Variants in ACTR10 observed in about 807,000 individuals in gnomAD.
The protein encoded by ACTR10 is actin related protein 10.
ACTR10 carries 43 observed loss-of-function variants against 56.2 expected under a neutral mutation model. The ratio of observed to expected loss-of-function variants is 0.77; its 90% CI spans 0.60 to 0.99. The LOEUF is 0.99. Ranked by LOEUF, ACTR10 falls within the 50% of genes least tolerant of loss-of-function variation. The pLI, the probability that ACTR10 is intolerant of heterozygous loss-of-function variation, is 0.00. For synonymous variants in ACTR10, 170 were observed against 176.3 expected (o/e 0.96, Z 0.28); for missense variants, 466 against 507.8 (o/e 0.92, Z 0.79).
chr14:58,207,083 G>C (rs1888884089), intron 2 of ACTR10: 1 of 151,946 alleles, frequency 6.6e-6, no homozygotes, highest in Non-Finnish European at 1.5e-5. Flanking sequence ...GAGTGCAGTG[G>C]CACGATCTTG....
chr14:58,207,325 GT>G (rs1292677053), intron 2 of ACTR10: 2 of 153,788 alleles, frequency 1.3e-5, no homozygotes, highest in Non-Finnish European at 2.9e-5. Flanking sequence ...TTGTTTGTTT[GT>G]TTGTTTGTTT....
intron 3 of ACTR10, among the ~76,000 whole-genome samples, chr14:58,208,648 G>T (rs1430723036): frequency 6.6e-6 from 1 of 151,828 alleles, no homozygotes; most frequent in Non-Finnish European, 1.5e-5. Context: ...GAACCCAGGA[G>T]GCTGAGGTTG....
chr14:58,201,272 A>G (rs997328559), intron 1 of ACTR10, among the ~76,000 whole-genome samples: 51 of 152,196 alleles, frequency 3.4e-4, no homozygotes, highest in African/African-American at 1.2e-3. Flanking sequence ...GTTCTATGCG[A>G]GGCCCTTCCT....
At chr14:58,210,738 G>A (rs57555343) in intron 4 of ACTR10, among the ~76,000 whole-genome samples, 2 of 148,988 alleles carry the variant, frequency 1.3e-5, no homozygotes, top group Admixed American at 6.7e-5. Context: ...GCAATGGCGC[G>A]ATCTCGGCTC....
intron 8 of ACTR10, 30 bp downstream of exon 8, chr14:58,219,759 C>T (rs747992877): frequency 2.7e-6 from 4 of 1,467,714 alleles, no homozygotes; most frequent in Non-Finnish European, 9.1e-7. Context: ...TTGTCCCTTT[C>T]ATCCTTAAGT....
At chr14:58,213,059 A>C (rs1646063921) in intron 5 of ACTR10, 1 of 152,312 alleles carries the variant, frequency 6.6e-6, no homozygotes, top group Admixed American at 6.5e-5. Flanking sequence ...TGGAGGTTGC[A>C]CTGAGCCGAG....
chr14:58,210,044 A>G (rs549724472), intron 4 of ACTR10, among the ~76,000 whole-genome samples: 1 of 152,204 alleles, frequency 6.6e-6, no homozygotes, highest in Non-Finnish European at 1.5e-5. Context: ...GGAGAACATA[A>G]AGCAAAACAA....
chr14:58,225,574 C>A (rs975630718), intron 10 of ACTR10, among the ~76,000 whole-genome samples: 2 of 152,020 alleles, frequency 1.3e-5, no homozygotes, highest in African/African-American at 4.8e-5. Context: ...ATTTTTATAT[C>A]ATTTTAATCT....
chr14:58,208,975 A>G, intron 3 of ACTR10, 24 bp from the exon 4 acceptor site: 1 of 1,547,494 alleles, frequency 6.5e-7, no homozygotes, highest in Non-Finnish European at 8.8e-7. Context: ...TTTTACTTTT[A>G]AAACCAAAAC....
intron 2 of ACTR10, among the ~76,000 whole-genome samples, chr14:58,206,593 G>C (rs888229330): frequency 3.9e-5 from 6 of 152,176 alleles, no homozygotes; most frequent in African/African-American, 7.2e-5. Context: ...TTAGGCTGAT[G>C]GTACTTCTTT....
chr14:58,224,522 C>T (rs1889354105), intron 10 of ACTR10, among the ~76,000 whole-genome samples: 1 of 152,004 alleles, frequency 6.6e-6, no homozygotes, highest in Non-Finnish European at 1.5e-5. Flanking sequence ...GCTGGGATTA[C>T]AGGCGTGAGC....
rs1043077358 is a variant in ACTR10 at position 58,219,854 on chromosome 14, A to G, written c.634+125A>G. The stretch of plus-strand genomic sequence containing the variant: ...GTAATATCCTAAAAGTATTTAATAT[A>G]TAGGTTATGGGATACTCTAAGTACA... On this transcript the variant is annotated intron_variant, in intron 8 of 12. Coordinates refer to ENST00000254286, the MANE Select transcript of ACTR10 (RefSeq NM_018477.3). 8.4e-6 allele frequency: 5 copies of G among 593,252 alleles called. No homozygotes were observed. The African/African-American group carries it at 9.8e-5, about 12-fold the overall frequency. The allele number at this position is 593,252 out of a possible 1,614,324, so 36.7% of individuals were successfully genotyped here. A position where few individuals can be genotyped will look rare whatever the true frequency, so the allele number is the denominator to read the frequency against.
chr14:58,208,059 A>C, intron 3 of ACTR10, 41 bp downstream of exon 3: 1 of 1,462,506 alleles, frequency 6.8e-7, no homozygotes, highest in Non-Finnish European at 9.0e-7. Flanking sequence ...GATTAGATAG[A>C]TTTTCCTAAT....
chr14:58,203,421 A>G (rs1386171792), intron 2 of ACTR10, among the ~76,000 whole-genome samples: 1 of 152,080 alleles, frequency 6.6e-6, no homozygotes, highest in African/African-American at 2.4e-5. Context: ...TTTGCACACC[A>G]TAAGTATATC....
rs772629268 is a variant in ACTR10 at position 58,230,427 on chromosome 14, C to A, written c.817C>A (p.Gln273Lys). The change falls in exon 11 of 13, where the codon CAA becomes AAA. Residue 273 changes from glutamine (Q) to lysine (K), a missense_variant. Coordinates refer to ENST00000254286, the MANE Select transcript of ACTR10 (RefSeq NM_018477.3). ...RDSVVEILFEQDNEEQSVATL... is the reference protein window; with the variant it reads ...RDSVVEILFEKDNEEQSVATL... ...TTCAGTTGTGGAAATTCTTTTTGAA[C>A]AAGATAATGAAGAGCAATCAGTTGC... 1.9e-6 allele frequency: 3 copies of A among 1,587,220 alleles called. No homozygotes were observed. In the East Asian group the frequency reaches 6.9e-5, roughly 37 times the overall value.
In ACTR10 at chr14:58,234,818, C is replaced by CT. The variant is rs527714860; in HGVS notation, c.*288dup. 1,116 of 97,454 alleles carry CT rather than the reference C, an allele frequency of 0.011. 20 individuals are homozygous for CT. The highest frequency in any genetic ancestry group is 0.022 in the East Asian group (88 of 3,944). 6.0% of individuals were successfully genotyped at this position (97,454 alleles called of 1,614,324 possible). On this transcript the variant is annotated 3_prime_UTR_variant, in exon 13 of 13. Transcript: ENST00000254286. ...TTGATTTTGGAAGTTTGTTATGTGG[C>CT]TTTTTTTTTTTTTTTTTTTTTGAGA...
At position 58,209,114 on chromosome 14, in the gene ACTR10, G is replaced by T; in HGVS notation, c.342+7G>T. On this transcript the variant is annotated splice_region_variant and intron_variant, in intron 4 of 12. Coordinates refer to ENST00000254286, the MANE Select transcript of ACTR10 (RefSeq NM_018477.3). ...TCTTTTCAAATATTTTGAGGTACCT[G>T]TCTTTATATCAAATAAGTAAATTGC... The T allele has an allele frequency of 6.6e-7, 1 of 1,521,134 alleles. No homozygotes were observed. Among genetic ancestry groups the T allele is most frequent in the Non-Finnish European group, 8.9e-7 (1 of 1,118,016 alleles). 94.2% of individuals were successfully genotyped at this position (1,521,134 alleles called of 1,614,324 possible).
intron 10 of ACTR10, among the ~76,000 whole-genome samples, chr14:58,224,385 C>T (rs1227777145): frequency 6.6e-6 from 1 of 151,974 alleles, no homozygotes; most frequent in Non-Finnish European, 1.5e-5. Context: ...CTCATAAATA[C>T]AAGAATTAGC....
intron 2 of ACTR10, 46 bp from the exon 3 acceptor site, chr14:58,207,890 G>A (rs777543813): frequency 3.6e-6 from 4 of 1,123,890 alleles, no homozygotes; most frequent in African/African-American, 1.7e-5. Flanking sequence ...TTAATTTGAG[G>A]TTATTTTATT....
Sources: allele counts gnomAD v4.1 joint callset (sites outside exome capture counted in the v4.1 genomes callset), GRCh38; gene constraint gnomAD v4.1.1; transcripts MANE v1.5; gene names NCBI Gene and HGNC (gene_info 2026-07-23, HGNC 2026-07-21).